The following ADGRF3 variants were observed in gnomAD, a reference collection of about 807,000 sequenced individuals.
ADGRF3 encodes adhesion G protein-coupled receptor F3, also known as G protein-coupled receptor 113.
Under a neutral mutation model 93.2 loss-of-function variants are expected in ADGRF3, and 85 were observed. The ratio of observed to expected loss-of-function variants is 0.91; its 90% CI spans 0.77 to 1.09. ADGRF3 has a LOEUF of 1.09. Among genes scored for constraint, ADGRF3 ranks in the 50% least tolerant of loss-of-function variants. The pLI is 0.00. For missense variants in ADGRF3, 1,125 were observed against 1,246.2 expected, an observed-to-expected ratio of 0.90 and a Z score of 1.46; for synonymous variants, 534 against 532.5, an observed-to-expected ratio of 1.00 and a Z score of -0.04.
intron 1 of ADGRF3, among the ~76,000 whole-genome samples, chr2:26,331,012 T>C (rs762336457): frequency 6.6e-6 from 1 of 152,232 alleles, no homozygotes; most frequent in African/African-American, 2.4e-5. Flanking sequence ...TTGATATGTA[T>C]TTTTATTATT....
chr2:26,312,170 C>T, intron 9 of ADGRF3, 96 bp from the exon 10 acceptor site: 1 of 1,242,724 alleles, frequency 8.0e-7, no homozygotes, highest in East Asian at 2.3e-5. Flanking sequence ...CTTCCCTTCC[C>T]AGTCCAGTGT....
rs759468889 is a variant in ADGRF3 at position 26,318,911 on chromosome 2, G to T, written c.115-1349C>A. ...CATGCTTTGTCTCTCCCAATCAGGG[G>T]TCCCCATTGTCGCCTCTGCAGACCT... On this transcript the variant is annotated intron_variant, in intron 1 of 13. Transcript: ENST00000651242. The T allele has an allele frequency of 4.5e-6, 7 of 1,550,984 alleles. No homozygotes were observed. Among genetic ancestry groups the T allele is most frequent in the Middle Eastern group, 1.7e-4 (1 of 5,988 alleles).
rs574715156 is a variant in ADGRF3 at position 26,314,633 on chromosome 2, C to T, written c.719-10G>A. 7.9e-4 allele frequency: 1,272 copies of T among 1,611,294 alleles called. 2 individuals carry two copies. Among genetic ancestry groups the T allele is most frequent in the Non-Finnish European group, 9.4e-4 (1,105 of 1,177,832 alleles). On this transcript the variant is annotated splice_polypyrimidine_tract_variant and intron_variant, in intron 5 of 13. Transcript: ENST00000651242. ...CAGCTCATGTACTCACCTGCAGAAA[C>T]GTGTGTGCGGCGCTATGTGGCTCCT...
intron 1 of ADGRF3, among the ~76,000 whole-genome samples, chr2:26,323,723 A>G (rs1184143807): frequency 1.3e-5 from 2 of 150,202 alleles, no homozygotes; most frequent in African/African-American, 4.9e-5. Flanking sequence ...TCCACCTCCT[A>G]GGTTTAAGTG....
rs139290971 is a variant in ADGRF3 at position 26,340,056 on chromosome 2, G to A, written c.114+6065C>T. Reference sequence around the variant, plus strand: ...AATCATTTTCTTTCTACCAGACTTCGCTCTTGTTAGACTCTGCAAGCAGTG... The same window carrying A: ...AATCATTTTCTTTCTACCAGACTTCACTCTTGTTAGACTCTGCAAGCAGTG... On this transcript the variant is annotated intron_variant, in intron 1 of 13. Coordinates refer to ENST00000651242, the MANE Select transcript of ADGRF3 (RefSeq NM_001321971.2). Among the ~76,000 whole-genome samples the A allele has an allele frequency of 1.0e-3, 157 of 152,148 alleles. 1 individual carries two copies. The East Asian group carries it at 0.013, about 13-fold the overall frequency.
At chr2:26,340,059 CTT>C (rs1574735853) in intron 1 of ADGRF3, among the ~76,000 whole-genome samples, 1 of 152,184 alleles carries the variant, frequency 6.6e-6, no homozygotes, top group African/African-American at 2.4e-5. Flanking sequence ...AGACTTCGCT[CTT>C]GTTAGACTCT....
chr2:26,333,757 T>C (rs1464328447), intron 1 of ADGRF3, among the ~76,000 whole-genome samples: 1 of 152,156 alleles, frequency 6.6e-6, no homozygotes, highest in Non-Finnish European at 1.5e-5. Flanking sequence ...AAGTTCTTAC[T>C]TCTAGCATAA....
In ADGRF3 at chr2:26,313,065, G is replaced by T. The variant is rs2147871389; in HGVS notation, c.1327C>A (p.Leu443Met). 1 of 1,614,044 alleles carries T rather than the reference G, an allele frequency of 6.2e-7. No homozygotes were observed. Among genetic ancestry groups the T allele is most frequent in the East Asian group, 2.2e-5 (1 of 44,890 alleles). ...AEEVPQILAQLPGQAAEASSP... is the reference protein window; with the variant it reads ...AEEVPQILAQMPGQAAEASSP... ...CTTGCCTCTGCCGCCTGCCCTGGCA[G>T]CTGTGCCAGGATCTGTGGCACCTCC... The change falls in exon 9 of 14, where the codon CTG becomes ATG. Residue 443 changes from leucine (L) to methionine (M), a missense_variant. By Grantham distance (15) the Leu-to-Met change is conservative. Coordinates refer to ENST00000651242, the MANE Select transcript of ADGRF3 (RefSeq NM_001321971.2).
intron 1 of ADGRF3, among the ~76,000 whole-genome samples, chr2:26,342,348 G>A (rs1429703050): frequency 6.6e-6 from 1 of 152,060 alleles, no homozygotes; most frequent in Non-Finnish European, 1.5e-5. Context: ...TTTAAAATGA[G>A]AACTAAATCA....
rs1558390895 is a variant in ADGRF3 at position 26,319,573 on chromosome 2, T to TC, written c.115-2012dup. ...TCCCTCCCTCCCTCCCTCCCTTCCT[T>TC]CCTTCCTTCCTTCCTTCCTTCCTTC... is the stretch of plus-strand genomic sequence containing the variant. On this transcript the variant is annotated intron_variant, in intron 1 of 13. Coordinates refer to ENST00000651242, the MANE Select transcript of ADGRF3 (RefSeq NM_001321971.2). Among the ~76,000 whole-genome samples, 63 of 55,026 alleles carry TC rather than the reference T, an allele frequency of 1.1e-3. 2 individuals are homozygous for TC. Among genetic ancestry groups the TC allele is most frequent in the East Asian group, 2.8e-3 (3 of 1,088 alleles). 36.1% of individuals were successfully genotyped at this position (55,026 alleles called of 152,430 possible).
rs1200170893 is a variant in ADGRF3, at chr2:26,310,873, A to T, written c.2651T>A (p.Leu884Gln). 7 of 1,612,700 alleles carry T rather than the reference A, an allele frequency of 4.3e-6. No individual in the cohort carries two copies. Among genetic ancestry groups the T allele is most frequent in the Non-Finnish European group, 4.2e-6 (5 of 1,179,398 alleles). ...LVLAMAMLKLLRPSLSEGPPA... is the reference protein window; with the variant it reads ...LVLAMAMLKLQRPSLSEGPPA... ...GGGTCCCTCTGACAGCGAAGGTCTC[A>T]GCAACTTCAGCATGGCCATGGCTAG... is the stretch of plus-strand genomic sequence containing the variant. Residue 884 changes from leucine to glutamine, a missense_variant, in exon 10 of 14, where the codon CTG (leucine) becomes CAG (glutamine). Transcript: ENST00000651242.
Position 26,311,529 on chromosome 2 carries a change from C to T in ADGRF3, c.1995G>A (p.Gly665=), listed in dbSNP as rs769796099. 4.5e-5 allele frequency: 73 copies of T among 1,613,884 alleles called. No homozygotes were observed. Among genetic ancestry groups the T allele is most frequent in the Non-Finnish European group, 5.9e-5 (70 of 1,179,908 alleles). Reference sequence around the variant, plus strand: ...TGGCACTGGCCACCTGTGCCTGGCACCCTTCTTTGGACCAACCCCCCCTGC... The same window carrying T: ...TGGCACTGGCCACCTGTGCCTGGCATCCTTCTTTGGACCAACCCCCCCTGC... The part of the protein sequence containing the change: ...FQGRGGWSKE[G]CQAQVASASP... Residue 665 remains glycine, a synonymous_variant, in exon 10 of 14, where the codon GGG becomes GGA. Transcript: ENST00000651242.
At chr2:26,316,593 G>T in intron 3 of ADGRF3, 145 bp from the exon 4 acceptor site, 2 of 819,214 alleles carry the variant, frequency 2.4e-6, no homozygotes, top group Non-Finnish European at 3.8e-6. Context: ...TCAGGCCCAT[G>T]CATCAGGACT....
At position 26,308,326 on chromosome 2, in the gene ADGRF3, T is replaced by C. The variant is rs1673725074; in HGVS notation, c.*760A>G. 3 of 152,166 alleles carry C rather than the reference T, an allele frequency of 2.0e-5. No homozygotes were observed. The highest frequency in any genetic ancestry group is 7.2e-5 in the African/African-American group (3 of 41,456). The allele number at this position is 152,166 out of a possible 1,614,324, so 9.4% of individuals were successfully genotyped here. A position where few individuals can be genotyped will look rare whatever the true frequency, so the allele number is the denominator to read the frequency against. The stretch of plus-strand genomic sequence containing the variant: ...TTCTCAGAATCCTGTCATCTTCCTC[T>C]TGTGAATTCCATAAGTTAATTCAGC... On this transcript the variant is annotated 3_prime_UTR_variant, in exon 14 of 14. Coordinates refer to ENST00000651242, the MANE Select transcript of ADGRF3 (RefSeq NM_001321971.2).
Position 26,311,667 on chromosome 2 carries a change from G to T in ADGRF3, c.1857C>A (p.Val619=). Residue 619 remains valine, a synonymous_variant, in exon 10 of 14, where the codon GTC becomes GTA. Coordinates refer to ENST00000651242, the MANE Select transcript of ADGRF3 (RefSeq NM_001321971.2). ...CCCGGTCACCTGCCATGATGGAAAT[G>T]ACAAGGACCAGGCCAGGAGTGGCAT... ...SLYATPGLVL[V]ISIMAGDRAF... 6.2e-7 allele frequency: 1 copy of T among 1,613,424 alleles called. No homozygotes were observed. Among genetic ancestry groups the T allele is most frequent in the African/African-American group, 1.3e-5 (1 of 75,076 alleles).
At chr2:26,322,771 G>C (rs1213615886) in intron 1 of ADGRF3, among the ~76,000 whole-genome samples, 3 of 151,990 alleles carry the variant, frequency 2.0e-5, no homozygotes, top group Admixed American at 1.3e-4. Context: ...TGGTAGATTT[G>C]GTATATTTTT....
intron 1 of ADGRF3, among the ~76,000 whole-genome samples, chr2:26,338,499 G>T (rs1449227237): frequency 6.6e-6 from 1 of 152,174 alleles, no homozygotes; most frequent in Non-Finnish European, 1.5e-5. Context: ...TTTCGCTCTT[G>T]TTGCCCAGGC....
intron 1 of ADGRF3, among the ~76,000 whole-genome samples, chr2:26,323,572 G>A (rs1472815235): frequency 6.6e-6 from 1 of 151,984 alleles, no homozygotes; most frequent in Non-Finnish European, 1.5e-5. Context: ...CAGGTAGTTG[G>A]GATTACAGGC....
rs1032131510 is a variant in ADGRF3, at chr2:26,314,465, T to G, written c.877A>C (p.Ser293Arg). 1 of 1,613,968 alleles carries G rather than the reference T, an allele frequency of 6.2e-7. No individual in the cohort carries two copies. Among genetic ancestry groups the G allele is most frequent in the Non-Finnish European group, 8.5e-7 (1 of 1,179,880 alleles). Reference sequence around the variant, plus strand: ...GCCGCGGTGTAGGCCAGGTTTGTGCTGGGGATGCAGCAGCTCAGCTGGAAG... The same window carrying G: ...GCCGCGGTGTAGGCCAGGTTTGTGCGGGGGATGCAGCAGCTCAGCTGGAAG... ...PGFQLSCCIPSTNLAYTAAWS... is the reference protein window; with the variant it reads ...PGFQLSCCIPRTNLAYTAAWS... Residue 293 changes from serine (S) to arginine (R), a missense_variant, in exon 6 of 14, where the codon AGC (serine) becomes CGC (arginine). Transcript: ENST00000651242.
Sources: allele counts gnomAD v4.1 joint callset (sites outside exome capture counted in the v4.1 genomes callset), GRCh38; gene constraint gnomAD v4.1.1; transcripts MANE v1.5; gene names NCBI Gene and HGNC (gene_info 2026-07-23, HGNC 2026-07-21).